Variants in SRGAP2 observed in about 807,000 individuals in gnomAD.
SRGAP2 encodes the protein SLIT-ROBO Rho GTPase-activating protein 2.
In SRGAP2, 15 loss-of-function variants were observed where a neutral mutation model predicts 57.2. That is an observed-to-expected ratio of 0.26 (90% CI 0.18 to 0.40). The LOEUF is 0.40. Ranked by LOEUF, SRGAP2 falls within the 10% of genes least tolerant of loss-of-function variation. The probability of loss-of-function intolerance (pLI) is 1.00; values close to 1 mark genes in which losing one functional copy is unlikely to be tolerated. For synonymous variants in SRGAP2, 249 were observed against 248.0 expected (o/e 1.00, Z -0.04); for missense variants, 520 against 669.6 (o/e 0.78, Z 2.47).
At chr1:206,241,216 C>CA (rs1668205749) in intron 2 of SRGAP2, among the ~76,000 whole-genome samples, 1 of 152,208 alleles carries the variant, frequency 6.6e-6, no homozygotes, top group Non-Finnish European at 1.5e-5. Flanking sequence ...CCCTAAAAAA[C>CA]AAAAGAAATG....
chr1:206,415,033 A>G (rs1420456712), intron 10 of SRGAP2, among the ~76,000 whole-genome samples: 1 of 152,150 alleles, frequency 6.6e-6, no homozygotes, highest in Non-Finnish European at 1.5e-5. Flanking sequence ...CCACTCACTA[A>G]CTGTTTGACC....
At chr1:206,393,894 AT>A (rs1657290910) in intron 7 of SRGAP2, among the ~76,000 whole-genome samples, 1 of 139,052 alleles carries the variant, frequency 7.2e-6, no homozygotes. Context: ...TATTATCTAT[AT>A]TTTTACAGAT....
rs1168547223 is a variant in SRGAP2, at chr1:206,332,889, A to G, written c.261-9957A>G. ...CTTTGGAGGAGGAGAGGCGCTCTGC[A>G]TTTTAGAGTTTCCAGTTTTTCTGTT... On this transcript the variant is annotated intron_variant, in intron 3 of 22. Transcript: ENST00000573034. Among the ~76,000 whole-genome samples, 22 of 150,948 alleles carry G rather than the reference A, an allele frequency of 1.5e-4. 1 individual carries two copies. The East Asian group carries it at 2.1e-3, about 15-fold the overall frequency.
chr1:206,417,414 C>CTTT (rs1219905489), intron 11 of SRGAP2, among the ~76,000 whole-genome samples: 9 of 110,790 alleles, frequency 8.1e-5, no homozygotes, highest in Non-Finnish European at 1.1e-4. Context: ...GATCTTATGA[C>CTTT]TTTTTTTTTT....
At chr1:206,250,211 G>A (rs1276237442) in intron 2 of SRGAP2, among the ~76,000 whole-genome samples, 1 of 152,054 alleles carries the variant, frequency 6.6e-6, no homozygotes, top group South Asian at 2.1e-4. Flanking sequence ...CTGGGGGACT[G>A]TTTGGTCCAC....
intron 4 of SRGAP2, among the ~76,000 whole-genome samples, chr1:206,347,500 C>T (rs1571920661): frequency 2.0e-5 from 3 of 148,822 alleles, no homozygotes. Context: ...TCTCTTGAAC[C>T]CGGGAAGTGG....
intron 4 of SRGAP2, among the ~76,000 whole-genome samples, chr1:206,376,496 G>A (rs538787976): frequency 6.6e-6 from 1 of 152,264 alleles, no homozygotes; most frequent in Admixed American, 6.5e-5. Context: ...AGGCAGCATA[G>A]TGCGGCGGAA....
At chr1:206,419,237 C>G (rs527633910) in intron 11 of SRGAP2, 136 bp from the exon 12 acceptor site, 5 of 662,736 alleles carry the variant, frequency 7.5e-6, no homozygotes, top group South Asian at 5.1e-5. Flanking sequence ...CTCTCTCTCT[C>G]TCTCCTCTCT....
intron 17 of SRGAP2, among the ~76,000 whole-genome samples, chr1:206,445,144 A>G (rs969755653): frequency 3.9e-5 from 6 of 152,176 alleles, no homozygotes; most frequent in African/African-American, 1.4e-4. Flanking sequence ...GCCCATGCCT[A>G]TAAGGGAGAC....
At chr1:206,318,910 AT>A (rs1553326775) in intron 3 of SRGAP2, among the ~76,000 whole-genome samples, 1 of 151,726 alleles carries the variant, frequency 6.6e-6, no homozygotes, top group Non-Finnish European at 1.5e-5. Context: ...TCAACATGAG[AT>A]TTGGGGGGGG....
At chr1:206,285,522 CG>C (rs1670970425) in intron 2 of SRGAP2, among the ~76,000 whole-genome samples, 1 of 152,160 alleles carries the variant, frequency 6.6e-6, no homozygotes, top group Admixed American at 6.5e-5. Context: ...CCTGGTGGTG[CG>C]TGTGTCACTG....
intron 2 of SRGAP2, among the ~76,000 whole-genome samples, chr1:206,228,516 T>G (rs1306612178): frequency 5.3e-5 from 8 of 152,144 alleles, no homozygotes; most frequent in Non-Finnish European, 8.8e-5. Flanking sequence ...TACATGCCAT[T>G]GCTGTTTAAC....
intron 11 of SRGAP2, among the ~76,000 whole-genome samples, chr1:206,419,112 C>T (rs1660060956): frequency 1.3e-5 from 2 of 152,122 alleles, no homozygotes; most frequent in South Asian, 4.1e-4. Flanking sequence ...GCAGAATTGG[C>T]CCTAAGGTTT....
Position 206,454,754 on chromosome 1 carries a change from C to CG in SRGAP2, c.2361-123dup. The CG allele has an allele frequency of 3.3e-6, 2 of 609,178 alleles. No individual in the cohort carries two copies. The highest frequency in any genetic ancestry group is 5.9e-6 in the Non-Finnish European group (2 of 340,830). 37.7% of individuals were successfully genotyped at this position (609,178 alleles called of 1,614,324 possible). ...TCACAGAACTAGTCCAGCCAGGTGT[C>CG]GCTGCTGCCTCAGAGCTGTGTGGGG... On this transcript the variant is annotated intron_variant, in intron 20 of 22. Transcript: ENST00000573034. The surrounding 1 kb of genome is among the most constrained non-coding windows in gnomAD (Gnocchi z 4.3).
At chr1:206,224,735 T>A in intron 2 of SRGAP2, among the ~76,000 whole-genome samples, 1 of 17,012 alleles carries the variant, frequency 5.9e-5, no homozygotes, top group East Asian at 8.4e-4. Flanking sequence ...CAGACTACAC[T>A]CACTACCAGA....
intron 3 of SRGAP2, among the ~76,000 whole-genome samples, chr1:206,331,723 C>T (rs1674372111): frequency 2.0e-5 from 2 of 99,224 alleles, no homozygotes; most frequent in South Asian, 7.3e-4. Context: ...AGATGGGTTT[C>T]CTGAATACAG....
intron 3 of SRGAP2, among the ~76,000 whole-genome samples, chr1:206,314,635 A>G (rs1447637976): frequency 1.3e-4 from 20 of 152,360 alleles, no homozygotes; most frequent in African/African-American, 4.6e-4. Flanking sequence ...ACACGTGCAC[A>G]GAGGGGATGG....
At position 206,440,013 on chromosome 1, in the gene SRGAP2, G is replaced by A. The variant is rs782224611; in HGVS notation, c.1806G>A (p.Arg602=). The A allele has an allele frequency of 2.6e-6, 2 of 780,758 alleles. No individual in the cohort carries two copies. Among genetic ancestry groups the A allele is most frequent in the Middle Eastern group, 2.2e-4 (1 of 4,464 alleles). 48.4% of individuals were successfully genotyped at this position (780,758 alleles called of 1,614,324 possible). A position where few individuals can be genotyped will look rare whatever the true frequency, so the allele number is the denominator to read the frequency against. Residue 602 remains arginine (R), a synonymous_variant, in exon 17 of 23, where the codon CGG becomes CGA. Coordinates refer to ENST00000573034, the MANE Select transcript of SRGAP2 (RefSeq NM_015326.5). ...TGCAGGAGAGAGCTCTGCACATCCG[G>A]AAAGTCCTCCTAGTCCTGCCCAAAA... ...DNLQERALHI[R]KVLLVLPKTT... is the part of the protein sequence containing the mutation.
chr1:206,350,900 C>T (rs1281230364), intron 4 of SRGAP2, among the ~76,000 whole-genome samples: 7 of 151,828 alleles, frequency 4.6e-5, no homozygotes, highest in Non-Finnish European at 8.8e-5. Context: ...TACTTTTCTC[C>T]GGGGCCTTGG....
Sources: allele counts gnomAD v4.1 joint callset (sites outside exome capture counted in the v4.1 genomes callset), GRCh38; gene constraint gnomAD v4.1.1; non-coding constraint Gnocchi (gnomAD v3.1); transcripts MANE v1.5; gene names NCBI Gene and HGNC (gene_info 2026-07-23, HGNC 2026-07-21).